The following DGKB variants were observed in gnomAD, a reference collection of about 807,000 sequenced individuals.
DGKB encodes 90 kDa diacylglycerol kinase.
A neutral mutation model predicts 114.3 loss-of-function variants in DGKB; 67 were observed. The ratio of observed to expected loss-of-function variants is 0.59; its 90% CI spans 0.48 to 0.72. The LOEUF (loss-of-function observed/expected upper bound fraction) is 0.72, where lower values mean the gene tolerates loss of function less well. Among genes scored for constraint, DGKB ranks in the 30% least tolerant of loss-of-function variants. The pLI is 0.00. For synonymous variants in DGKB, 398 were observed against 323.1 expected, an observed-to-expected ratio of 1.23 and a Z score of -2.49; for missense variants, 907 against 975.2, an observed-to-expected ratio of 0.93 and a Z score of 0.93.
intron 21 of DGKB, among the ~76,000 whole-genome samples, chr7:14,435,619 C>G (rs1339641495): frequency 6.6e-6 from 1 of 152,018 alleles, no homozygotes; most frequent in Non-Finnish European, 1.5e-5. Context: ...CCTGAAAAAG[C>G]TCCCAACATT....
chr7:14,779,911 T>C (rs1192515733), intron 2 of DGKB, among the ~76,000 whole-genome samples: 3 of 152,326 alleles, frequency 2.0e-5, no homozygotes, highest in Non-Finnish European at 4.4e-5. Flanking sequence ...GACCTAGCTT[T>C]TTCTTTCTCT....
intron 23 of DGKB, among the ~76,000 whole-genome samples, chr7:14,195,274 A>G (rs1784861677): frequency 6.6e-6 from 1 of 152,086 alleles, no homozygotes; most frequent in Admixed American, 6.6e-5. Context: ...AAACTGAGCT[A>G]CTTCACGTGT....
At position 14,431,551 on chromosome 7, in the gene DGKB, T is replaced by C. The variant is rs74517607; in HGVS notation, c.1835+46610A>G. On this transcript the variant is annotated intron_variant, in intron 21 of 25. Coordinates refer to ENST00000402815, the MANE Select transcript of DGKB (RefSeq NM_001350709.2). Reference sequence around the variant, plus strand: ...AAACAATTTAGTAGCTCTTACATAATAGACTAAGTATCATCAAACAACACT... The same window carrying C: ...AAACAATTTAGTAGCTCTTACATAACAGACTAAGTATCATCAAACAACACT... 5.2e-3 allele frequency among the ~76,000 whole-genome samples: 789 copies of C among 152,260 alleles called. 5 individuals carry two copies. Among genetic ancestry groups the C allele is most frequent in the Middle Eastern group, 0.017 (5 of 294 alleles).
intron 25 of DGKB, among the ~76,000 whole-genome samples, chr7:14,154,860 TC>T (rs1436157849): frequency 9.2e-5 from 14 of 151,586 alleles, no homozygotes; most frequent in Middle Eastern, 6.8e-3. Flanking sequence ...TTTTTTTTTT[TC>T]GTTACACGTG....
At chr7:14,623,056 G>A (rs1020461581) in intron 14 of DGKB, among the ~76,000 whole-genome samples, 1 of 152,094 alleles carries the variant, frequency 6.6e-6, no homozygotes, top group Non-Finnish European at 1.5e-5. Context: ...AACTTTCTTT[G>A]TGTCACTGGT....
chr7:14,325,047 T>A (rs556471646), intron 23 of DGKB, among the ~76,000 whole-genome samples: 2 of 152,296 alleles, frequency 1.3e-5, no homozygotes, highest in African/African-American at 4.8e-5. Flanking sequence ...CATTACCTGT[T>A]CTCTGTCTTC....
intron 23 of DGKB, among the ~76,000 whole-genome samples, chr7:14,207,152 T>G (rs944671206): frequency 6.6e-6 from 1 of 152,040 alleles, no homozygotes; most frequent in Non-Finnish European, 1.5e-5. Flanking sequence ...CTACAGAAGC[T>G]CTCTCCCTCT....
intron 2 of DGKB, among the ~76,000 whole-genome samples, chr7:14,810,900 C>T (rs56136469): frequency 0.11 from 16,336 of 152,176 alleles, 889 homozygotes; most frequent in South Asian, 0.14. Flanking sequence ...TGAGTCACGG[C>T]GCCCGGCCTA....
At chr7:14,674,170 T>C (rs1416571353) in intron 12 of DGKB, among the ~76,000 whole-genome samples, 1 of 152,194 alleles carries the variant, frequency 6.6e-6, no homozygotes, top group African/African-American at 2.4e-5. Context: ...CTGTAATTAA[T>C]GCCCATTAGG....
intron 1 of DGKB, among the ~76,000 whole-genome samples, chr7:14,859,226 T>C (rs1448357710): frequency 6.6e-6 from 1 of 151,848 alleles, no homozygotes; most frequent in Non-Finnish European, 1.5e-5. Context: ...AACTGAGGTC[T>C]GGGAAAAAAA....
chr7:14,270,057 A>G (rs1396422570), intron 23 of DGKB, among the ~76,000 whole-genome samples: 38 of 147,964 alleles, frequency 2.6e-4, no homozygotes, highest in African/African-American at 8.3e-4. Context: ...GCAAAAAAAA[A>G]AAAAAAAAAA....
intron 25 of DGKB, among the ~76,000 whole-genome samples, chr7:14,157,630 C>G (rs1485435463): frequency 6.6e-6 from 1 of 152,112 alleles, no homozygotes; most frequent in Non-Finnish European, 1.5e-5. Context: ...ATATTCATAC[C>G]TGGATTTGAA....
rs1815741195 is a variant in DGKB at position 14,361,521 on chromosome 7, A to G, written c.1836-16130T>C. ...TCATGATCTGTTTTTGTTGCCAGTCATGATGCTATAATTTATATAAAATAT... is the reference window on the plus strand; with the variant it reads ...TCATGATCTGTTTTTGTTGCCAGTCGTGATGCTATAATTTATATAAAATAT... On this transcript the variant is annotated intron_variant, in intron 21 of 25. Coordinates refer to ENST00000402815, the MANE Select transcript of DGKB (RefSeq NM_001350709.2). Among the ~76,000 whole-genome samples the G allele has an allele frequency of 2.0e-5, 3 of 151,986 alleles. No individual in the cohort carries two copies. The South Asian group carries it at 6.2e-4, about 31-fold the overall frequency.
chr7:14,682,916 T>C, intron 10 of DGKB, 75 bp from the exon 11 acceptor site: 1 of 994,552 alleles, frequency 1.0e-6, no homozygotes, highest in South Asian at 1.4e-5. Flanking sequence ...AGAATGACAT[T>C]AACAGAACCT....
intron 20 of DGKB, among the ~76,000 whole-genome samples, chr7:14,531,415 T>C: frequency 6.6e-6 from 1 of 151,358 alleles, no homozygotes; most frequent in East Asian, 1.9e-4. Context: ...TACTAGCAAG[T>C]AATAATCATA....
chr7:14,514,978 A>G (rs1221016229), intron 20 of DGKB, among the ~76,000 whole-genome samples: 1 of 152,178 alleles, frequency 6.6e-6, no homozygotes, highest in Non-Finnish European at 1.5e-5. Context: ...CAGGAGGTCA[A>G]GGCTATAGTG....
At chr7:14,414,164 A>T (rs1405987331) in intron 21 of DGKB, among the ~76,000 whole-genome samples, 1 of 152,182 alleles carries the variant, frequency 6.6e-6, no homozygotes, top group Non-Finnish European at 1.5e-5. Flanking sequence ...AGGGATCTAT[A>T]TACCCTTTAC....
chr7:14,483,285 C>CT (rs757977719), intron 20 of DGKB, among the ~76,000 whole-genome samples: 47 of 152,178 alleles, frequency 3.1e-4, no homozygotes, highest in Middle Eastern at 3.4e-3. Context: ...TGATACTATG[C>CT]TTTTTTGCCA....
intron 5 of DGKB, among the ~76,000 whole-genome samples, chr7:14,727,012 G>A (rs1478499304): frequency 6.6e-6 from 1 of 152,176 alleles, no homozygotes; most frequent in Non-Finnish European, 1.5e-5. Flanking sequence ...ATAATGTTAT[G>A]ATGGATTTGG....
Sources: gnomAD v4.1 joint callset for allele counts (sites outside exome capture counted in the v4.1 genomes callset) on GRCh38, gnomAD v4.1.1 for gene constraint, MANE v1.5 for transcripts, NCBI Gene and HGNC (gene_info 2026-07-23, HGNC 2026-07-21) for gene names.